CFAP54: variants seen among roughly 807,000 people sequenced by gnomAD.
CFAP54 encodes the protein cilia- and flagella-associated protein 54.
Under a neutral mutation model 370.4 loss-of-function variants are expected in CFAP54, and 290 were observed. The observed-to-expected ratio is 0.78, with a 90% CI of 0.71 to 0.86. CFAP54 has a LOEUF of 0.86. CFAP54 is among the 40% of genes least tolerant of loss of function. The probability of loss-of-function intolerance (pLI) is 0.00; values close to 1 mark genes in which losing one functional copy is unlikely to be tolerated. For synonymous variants in CFAP54, 1,206 were observed against 1,236.5 expected (o/e 0.98, Z 0.52); for missense variants, 3,399 against 3,528.7 (o/e 0.96, Z 0.93).
chr12:96,745,523 G>T (rs1592738506), intron 55 of CFAP54, among the ~76,000 whole-genome samples: 1 of 150,630 alleles, frequency 6.6e-6, no homozygotes, highest in African/African-American at 2.4e-5. Context: ...ATTTTTTAAT[G>T]TTTTTTTTTC....
chr12:96,585,168 T>G (rs1956065823), intron 22 of CFAP54, among the ~76,000 whole-genome samples: 1 of 152,136 alleles, frequency 6.6e-6, no homozygotes, highest in Admixed American at 6.6e-5. Flanking sequence ...ATTATTTATT[T>G]ATTTTTCTTT....
chr12:96,729,091 G>T (rs543322492), intron 50 of CFAP54, among the ~76,000 whole-genome samples: 7 of 152,230 alleles, frequency 4.6e-5, no homozygotes, highest in Admixed American at 2.0e-4. Flanking sequence ...GCCCCTACTG[G>T]GGGGTGCCTG....
In CFAP54 at chr12:96,564,446, T is replaced by C. The variant is rs986434762; in HGVS notation, c.2411-22T>C. On this transcript the variant is annotated intron_variant, in intron 17 of 67. Coordinates refer to ENST00000524981, the MANE Select transcript of CFAP54 (RefSeq NM_001306084.2). ...CTCTTGGATACATACTTAATTGTTA[T>C]GACAGTCGTCTTCTTCTTCAGTTTT... The C allele has an allele frequency of 5.2e-5, 36 of 687,448 alleles. 1 individual carries two copies. In the Middle Eastern group the frequency reaches 2.1e-3, roughly 41 times the overall value. 42.6% of individuals were successfully genotyped at this position (687,448 alleles called of 1,614,324 possible). A position where few individuals can be genotyped will look rare whatever the true frequency, so the allele number is the denominator to read the frequency against.
intron 27 of CFAP54, among the ~76,000 whole-genome samples, chr12:96,622,994 C>T (rs945966796): frequency 3.9e-5 from 6 of 152,030 alleles, no homozygotes; most frequent in African/African-American, 1.4e-4. Flanking sequence ...AGTCTATCAG[C>T]CCCTTTATGT....
chr12:96,823,875 A>C (rs1959058847), intron 65 of CFAP54, among the ~76,000 whole-genome samples: 1 of 152,200 alleles, frequency 6.6e-6, no homozygotes, highest in Non-Finnish European at 1.5e-5. Context: ...ATGATTTGCC[A>C]AGATAATCAT....
At position 96,784,821 on chromosome 12, in the gene CFAP54, A is replaced by G. The variant is rs1958613476; in HGVS notation, c.8386A>G (p.Ile2796Val). ...AAAAAAGACTCAGACCAAAGTGGAT[A>G]TTACATGGATCCTTCTACTGCGCTA... The part of the protein sequence containing the change: ...GRKKTQTKVD[I>V]TWILLLRYYI... The change falls in exon 61 of 68, where the codon ATT becomes GTT. Residue 2796 changes from isoleucine to valine, a missense_variant. Transcript: ENST00000524981. 6.5e-7 allele frequency: 1 copy of G among 1,534,366 alleles called. No homozygotes were observed. Among genetic ancestry groups the G allele is most frequent in the African/African-American group, 1.4e-5 (1 of 73,116 alleles).
At chr12:96,577,646 T>G (rs1955991713) in intron 20 of CFAP54, among the ~76,000 whole-genome samples, 1 of 152,078 alleles carries the variant, frequency 6.6e-6, no homozygotes. Flanking sequence ...CTGAGTTTTT[T>G]TTTTCATTTG....
At chr12:96,645,245 A>G (rs1956775230) in intron 33 of CFAP54, 2 of 431,788 alleles carry the variant, frequency 4.6e-6, no homozygotes, top group South Asian at 1.6e-5. Flanking sequence ...AATACTGTGT[A>G]GCTATTAAAA....
rs544988424 is a variant in CFAP54, at chr12:96,672,148, C to T, written c.5564-7452C>T. On this transcript the variant is annotated intron_variant, in intron 39 of 67. Coordinates refer to ENST00000524981, the MANE Select transcript of CFAP54 (RefSeq NM_001306084.2). ...ATACAAGGAAAAAAAAGGATATTTA[C>T]ATATTAACTAGAAAAAGCCAGTAAA... is the stretch of plus-strand genomic sequence containing the variant. 4.1e-4 allele frequency among the ~76,000 whole-genome samples: 63 copies of T among 151,932 alleles called. 1 individual carries two copies. The South Asian group carries it at 0.012, about 30-fold the overall frequency.
chr12:96,597,865 A>T (rs1956195398), intron 25 of CFAP54, among the ~76,000 whole-genome samples: 2 of 151,884 alleles, frequency 1.3e-5, no homozygotes, highest in Non-Finnish European at 2.9e-5. Flanking sequence ...CTCCAAAACT[A>T]CTAGGGTGTT....
At chr12:96,803,721 A>G (rs1463076139) in intron 63 of CFAP54, among the ~76,000 whole-genome samples, 1 of 152,142 alleles carries the variant, frequency 6.6e-6, no homozygotes, top group Non-Finnish European at 1.5e-5. Flanking sequence ...CAACATATAT[A>G]CACCCTCAGG....
At chr12:96,554,452 G>GGGA in intron 16 of CFAP54, 142 bp downstream of exon 16, 1 of 1,178,128 alleles carries the variant, frequency 8.5e-7, no homozygotes, top group Non-Finnish European at 1.1e-6. Flanking sequence ...TCCCAGAAGA[G>GGGA]AGCTAGGAGA....
chr12:96,841,982 G>A (rs562483888), intron 66 of CFAP54, among the ~76,000 whole-genome samples: 1 of 152,272 alleles, frequency 6.6e-6, no homozygotes, highest in East Asian at 1.9e-4. Context: ...AATGCCAGTG[G>A]TAAGCATTCA....
At chr12:96,784,136 G>T (rs1958606894) in intron 60 of CFAP54, among the ~76,000 whole-genome samples, 1 of 152,034 alleles carries the variant, frequency 6.6e-6, no homozygotes, top group African/African-American at 2.4e-5. Flanking sequence ...AAAACTCTTG[G>T]TACACATATA....
chr12:96,492,756 G>T (rs1954899658), intron 1 of CFAP54, among the ~76,000 whole-genome samples: 1 of 152,220 alleles, frequency 6.6e-6, no homozygotes, highest in Non-Finnish European at 1.5e-5. Flanking sequence ...ACTCTGGGAG[G>T]CTGAGGCAGG....
At position 96,727,353 on chromosome 12, in the gene CFAP54, G is replaced by A. The variant is rs567601298; in HGVS notation, c.6965+6788G>A. On this transcript the variant is annotated intron_variant, in intron 50 of 67. Coordinates refer to ENST00000524981, the MANE Select transcript of CFAP54 (RefSeq NM_001306084.2). Reference sequence around the variant, plus strand: ...ACTCAGGACTTGCTTGATGAATCTGGGTGCTCCTGTATTGGGTGCATATAT... The same window carrying A: ...ACTCAGGACTTGCTTGATGAATCTGAGTGCTCCTGTATTGGGTGCATATAT... 5.4e-4 allele frequency among the ~76,000 whole-genome samples: 81 copies of A among 150,608 alleles called. 2 individuals are homozygous for A. Among genetic ancestry groups the A allele is most frequent in the African/African-American group, 2.0e-3 (80 of 40,760 alleles).
intron 66 of CFAP54, among the ~76,000 whole-genome samples, chr12:96,855,707 T>C (rs1409452488): frequency 6.6e-6 from 1 of 152,232 alleles, no homozygotes; most frequent in Non-Finnish European, 1.5e-5. Context: ...TTGCAGGGTA[T>C]AGCCCCCCTC....
At chr12:96,753,562 T>A (rs909546175) in intron 55 of CFAP54, among the ~76,000 whole-genome samples, 181 bp from the exon 56 acceptor site, 3 of 152,232 alleles carry the variant, frequency 2.0e-5, no homozygotes, top group African/African-American at 7.2e-5. Context: ...GTTATTACTG[T>A]AGTTCATTGA....
intron 17 of CFAP54, among the ~76,000 whole-genome samples, chr12:96,560,586 C>A (rs1427580028): frequency 6.6e-6 from 1 of 152,124 alleles, no homozygotes; most frequent in Non-Finnish European, 1.5e-5. Context: ...ACAATCTGAT[C>A]TTTCCTAGTA....
Sources: gnomAD v4.1 joint callset for allele counts (sites outside exome capture counted in the v4.1 genomes callset) on GRCh38, gnomAD v4.1.1 for gene constraint, MANE v1.5 for transcripts, NCBI Gene and HGNC (gene_info 2026-07-23, HGNC 2026-07-21) for gene names.